Variants in TNKS2 observed in about 807,000 individuals in gnomAD.
TNKS2 encodes the protein tankyrase 2, also known as poly [ADP-ribose] polymerase tankyrase-2.
In TNKS2, 72 loss-of-function variants were observed where a neutral mutation model predicts 137.6. The observed-to-expected ratio is 0.52, with a 90% confidence interval of 0.43 to 0.64. The LOEUF (loss-of-function observed/expected upper bound fraction) is 0.64, where lower values mean the gene tolerates loss of function less well. Ranked by LOEUF, TNKS2 falls within the 30% of genes least tolerant of loss-of-function variation. TNKS2 has a pLI of 0.00. For missense variants in TNKS2, 1,049 were observed against 1,410.2 expected (o/e 0.74, Z 4.10); for synonymous variants, 516 against 512.1 (o/e 1.01, Z -0.10).
At chr10:91,807,928 A>C (rs939349512) in intron 1 of TNKS2, among the ~76,000 whole-genome samples, 13 of 151,070 alleles carry the variant, frequency 8.6e-5, no homozygotes, top group South Asian at 2.1e-4. Flanking sequence ...CCCGGGAGGC[A>C]GAGCTTGCAG....
rs781178559 is a variant in TNKS2 at position 91,841,468 on chromosome 10, TGTAAAGA to T, written c.1839+24_1839+30del. 2 of 1,565,624 alleles carry T rather than the reference TGTAAAGA, an allele frequency of 1.3e-6. No homozygotes were observed. Among genetic ancestry groups the T allele is most frequent in the Non-Finnish European group, 1.7e-6 (2 of 1,156,966 alleles). ...CTCCAGGTATATTTAAATACTTAAC[TGTAAAGA>T]GTATGAATTACATAGCATATGTTTA... On this transcript the variant is annotated intron_variant, in intron 15 of 26. Coordinates refer to ENST00000371627, the MANE Select transcript of TNKS2 (RefSeq NM_025235.4).
intron 21 of TNKS2, among the ~76,000 whole-genome samples, chr10:91,851,752 T>C (rs531571802): frequency 3.9e-5 from 6 of 152,308 alleles, no homozygotes; most frequent in East Asian, 1.9e-4. Flanking sequence ...AGATCTCTTA[T>C]GTAGATAAAA....
chr10:91,842,756 C>T (rs1025077527), intron 16 of TNKS2, among the ~76,000 whole-genome samples: 4 of 148,154 alleles, frequency 2.7e-5, no homozygotes, highest in African/African-American at 4.9e-5. Flanking sequence ...CAAAGTGAGA[C>T]CCTGTCTCAA....
chr10:91,815,315 A>G (rs1251566424), intron 2 of TNKS2, among the ~76,000 whole-genome samples: 1 of 152,192 alleles, frequency 6.6e-6, no homozygotes, highest in Non-Finnish European at 1.5e-5. Context: ...GTCATTTATA[A>G]AGATGTGAAA....
chr10:91,850,660 A>G (rs1281545040), intron 20 of TNKS2, among the ~76,000 whole-genome samples: 1 of 152,190 alleles, frequency 6.6e-6, no homozygotes, highest in East Asian at 1.9e-4. Context: ...CAGAGGTTGC[A>G]GTGAGCTGAG....
intron 14 of TNKS2, 49 bp downstream of exon 14, chr10:91,840,755 C>G: frequency 6.6e-7 from 1 of 1,519,450 alleles, no homozygotes; most frequent in Non-Finnish European, 8.9e-7. Flanking sequence ...TTTACTTGAC[C>G]TTTTTAGGAA....
Position 91,828,339 on chromosome 10 carries a change from G to T in TNKS2, c.1037G>T (p.Arg346Leu), listed in dbSNP as rs765942229. 3 of 1,606,908 alleles carry T rather than the reference G, an allele frequency of 1.9e-6. No individual in the cohort carries two copies. The highest frequency in any genetic ancestry group is 2.5e-6 in the Non-Finnish European group (3 of 1,177,158). Residue 346 changes from arginine (R) to leucine (L), a missense_variant, in exon 9 of 27, where the codon CGA becomes CTA. Arg to Leu is a moderately radical substitution (Grantham distance 102). Transcript: ENST00000371627. ...GCTGCACGAGAAGCTGATGTTACTC[G>T]AATCAAAAAACATCTCTCTCTGGAA... ...LQAAREADVT[R>L]IKKHLSLEMV...
At chr10:91,809,204 T>TA (rs1328601306) in intron 1 of TNKS2, among the ~76,000 whole-genome samples, 32 of 152,224 alleles carry the variant, frequency 2.1e-4, no homozygotes, top group Middle Eastern at 3.4e-3. Flanking sequence ...TGCATGTATA[T>TA]AAAATAACTT....
intron 1 of TNKS2, among the ~76,000 whole-genome samples, chr10:91,806,227 T>A: frequency 6.6e-6 from 1 of 152,204 alleles, no homozygotes; most frequent in East Asian, 1.9e-4. Flanking sequence ...ACATTACATT[T>A]AGGTGGTGAA....
intron 2 of TNKS2, 126 bp downstream of exon 2, chr10:91,813,333 TTAATC>T (rs1844569394): frequency 1.2e-6 from 1 of 850,812 alleles, no homozygotes; most frequent in Non-Finnish European, 1.8e-6. Flanking sequence ...ATCCCATGAT[TTAATC>T]TAACTACTAT....
chr10:91,857,497 C>T lies in TNKS2; in HGVS notation c.3061C>T (p.His1021Tyr). 2.5e-6 allele frequency: 4 copies of T among 1,611,510 alleles called. No individual in the cohort carries two copies. Among genetic ancestry groups the T allele is most frequent in the Non-Finnish European group, 3.4e-6 (4 of 1,178,382 alleles). ...GAGAAAAGAAGTTTCTGAAGAAAAC[C>T]ACAACCATGCCAATGAACGAATGCT... ...HRRKEVSEEN[H>Y]NHANERMLFH... The change falls in exon 24 of 27, where the codon CAC (histidine) becomes TAC (tyrosine). Residue 1021 changes from histidine to tyrosine, a missense_variant. Physicochemically the swap from His to Tyr is moderately conservative, Grantham distance 83 (BLOSUM62 2). Around this residue, in one of 6 missense-constraint regions of TNKS2, gnomAD observed 133 missense variants for 248.4 expected, o/e 0.54. Coordinates refer to ENST00000371627, the MANE Select transcript of TNKS2 (RefSeq NM_025235.4).
At chr10:91,801,680 G>A (rs772758864) in intron 1 of TNKS2, among the ~76,000 whole-genome samples, 3 of 152,030 alleles carry the variant, frequency 2.0e-5, no homozygotes, top group East Asian at 1.9e-4. Context: ...CAACATGTTG[G>A]TCAGGCTGGT....
chr10:91,828,259 C>T (rs749971297), intron 8 of TNKS2, 26 bp from the exon 9 acceptor site: 5 of 1,524,272 alleles, frequency 3.3e-6, no homozygotes, highest in African/African-American at 1.4e-5. Flanking sequence ...ACTCGTTATA[C>T]ATGTAAATGC....
chr10:91,849,701 G>GT (rs996004475), intron 20 of TNKS2, 107 bp downstream of exon 20: 26 of 803,936 alleles, frequency 3.2e-5, no homozygotes, highest in Non-Finnish European at 4.6e-5. Flanking sequence ...GGGGGAGAAT[G>GT]TTTTTTAAGA....
intron 7 of TNKS2, among the ~76,000 whole-genome samples, chr10:91,823,375 T>C (rs1234974414): frequency 7.7e-6 from 1 of 130,558 alleles, no homozygotes; most frequent in African/African-American, 3.0e-5. Flanking sequence ...TCGCCCAGGC[T>C]GGAGTGCAGT....
At chr10:91,822,152 C>A in intron 6 of TNKS2, 144 bp from the exon 7 acceptor site, 1 of 608,874 alleles carries the variant, frequency 1.6e-6, no homozygotes, top group Non-Finnish European at 2.7e-6. Flanking sequence ...ATGGATGTTA[C>A]TAAATTTTGA....
At chr10:91,823,868 C>T (rs1844986345) in intron 7 of TNKS2, among the ~76,000 whole-genome samples, 1 of 152,116 alleles carries the variant, frequency 6.6e-6, no homozygotes, top group Non-Finnish European at 1.5e-5. Context: ...CCCATAGAAA[C>T]AACTTTATAA....
At chr10:91,840,039 G>C (rs1842162178) in intron 13 of TNKS2, among the ~76,000 whole-genome samples, 1 of 152,096 alleles carries the variant, frequency 6.6e-6, no homozygotes, top group African/African-American at 2.4e-5. Flanking sequence ...AGAAAAAGTA[G>C]AATATAAAGG....
chr10:91,827,112 A>T lies in TNKS2; in HGVS notation c.891A>T (p.Leu297Phe). The T allele has an allele frequency of 2.5e-6, 4 of 1,612,418 alleles. No homozygotes were observed. Among genetic ancestry groups the T allele is most frequent in the Non-Finnish European group, 2.5e-6 (3 of 1,179,218 alleles). The change falls in exon 8 of 27, where the codon TTA becomes TTT. Residue 297 changes from leucine to phenylalanine, a missense_variant. By Grantham distance (22) the Leu-to-Phe change is conservative (BLOSUM62 0). Transcript: ENST00000371627. ...GGGTTGAAGTATGTTCTCTTCTCTTAAGTTATGGTGCAGACCCAACACTGC... is the reference window on the plus strand; with the variant it reads ...GGGTTGAAGTATGTTCTCTTCTCTTTAGTTATGGTGCAGACCCAACACTGC... ...KNRVEVCSLL[L>F]SYGADPTLLN...
Sources: gnomAD v4.1 joint callset for allele counts (sites outside exome capture counted in the v4.1 genomes callset) on GRCh38, gnomAD v4.1.1 for gene constraint, gnomAD v4.1.1 regional missense constraint, MANE v1.5 for transcripts, NCBI Gene and HGNC (gene_info 2026-07-23, HGNC 2026-07-21) for gene names.